PSMA6: variants seen among roughly 807,000 people sequenced by gnomAD.
PSMA6 encodes the protein proteasome subunit alpha type-6.
For missense variants in PSMA6, 170 were observed against 294.8 expected (o/e 0.58, Z 3.10); for synonymous variants, 88 against 97.7 (o/e 0.90, Z 0.59).
intron 3 of PSMA6, 117 bp from the exon 4 acceptor site, chr14:35,310,623 C>T (rs951931292): frequency 6.1e-6 from 6 of 976,528 alleles, no homozygotes; most frequent in Non-Finnish European, 7.7e-6. Context: ...GTAGCGGACC[C>T]TTTCTCTTTA....
chr14:35,294,668 G>GA (rs1369415216), intron 1 of PSMA6, among the ~76,000 whole-genome samples: 2 of 152,106 alleles, frequency 1.3e-5, no homozygotes, highest in South Asian at 2.1e-4. Context: ...AATGCTCAGT[G>GA]AATGTTATTA....
intron 1 of PSMA6, among the ~76,000 whole-genome samples, chr14:35,299,513 T>C (rs952757154): frequency 1.3e-4 from 19 of 150,978 alleles, no homozygotes; most frequent in African/African-American, 4.6e-4. Flanking sequence ...ATAGAGGCAG[T>C]GTTTCACTAT....
intron 2 of PSMA6, 114 bp from the exon 3 acceptor site, chr14:35,308,800 C>G (rs2051882257): frequency 1.4e-6 from 1 of 718,048 alleles, no homozygotes; most frequent in Non-Finnish European, 2.4e-6. Flanking sequence ...TTTATGGTTC[C>G]ATAGTATTGT....
intron 1 of PSMA6, among the ~76,000 whole-genome samples, chr14:35,298,990 T>G (rs1367443977): frequency 6.6e-6 from 1 of 151,930 alleles, no homozygotes; most frequent in Admixed American, 6.6e-5. Flanking sequence ...TGCCTCGGCC[T>G]CCCGAAGTAC....
Position 35,310,750 on chromosome 14 carries a change from A to T in PSMA6, c.264A>T (p.Arg88Ser). 2 of 1,612,176 alleles carry T rather than the reference A, an allele frequency of 1.2e-6. No homozygotes were observed. Among genetic ancestry groups the T allele is most frequent in the Non-Finnish European group, 1.7e-6 (2 of 1,179,830 alleles). Residue 88 changes from arginine to serine, a missense_variant, in exon 4 of 7, where the codon AGA (arginine) becomes AGT (serine). By Grantham distance (110) the Arg-to-Ser change is moderately radical. Coordinates refer to ENST00000261479, the MANE Select transcript of PSMA6 (RefSeq NM_002791.3). ...CVMTGMTADS[R>S]SQVQRARYEA... ...TTTTTATGCTATAAGCTGACAGCAG[A>T]TCCCAGGTACAGAGGGCACGCTATG...
chr14:35,313,119 T>C, intron 5 of PSMA6, 60 bp downstream of exon 5: 1 of 1,387,172 alleles, frequency 7.2e-7, no homozygotes, highest in Non-Finnish European at 9.7e-7. Flanking sequence ...AGGATCTTTG[T>C]ATAATTTCTA....
chr14:35,282,916 C>G (rs1037759520), intron 1 of PSMA6, among the ~76,000 whole-genome samples: 5 of 151,790 alleles, frequency 3.3e-5, no homozygotes, highest in Admixed American at 3.3e-4. Flanking sequence ...GATCTCAGCT[C>G]ACTGCAACCT....
At chr14:35,284,334 C>T (rs1429150289) in intron 1 of PSMA6, among the ~76,000 whole-genome samples, 1 of 152,142 alleles carries the variant, frequency 6.6e-6, no homozygotes, top group Non-Finnish European at 1.5e-5. Flanking sequence ...AGAGTTCTCC[C>T]TGTTCTAAGC....
At chr14:35,283,378 AG>A in intron 1 of PSMA6, among the ~76,000 whole-genome samples, 3 of 150,058 alleles carry the variant, frequency 2.0e-5, no homozygotes, top group African/African-American at 7.3e-5. Context: ...AAAAAAAAAA[AG>A]AGAGAGAAAG....
chr14:35,315,697 G>C (rs1347473147), intron 6 of PSMA6: 6 of 145,346 alleles, frequency 4.1e-5, no homozygotes, highest in African/African-American at 1.6e-4. Context: ...TTTTGAAAAA[G>C]GTGCCTTTTT....
rs1566551427 is a variant in PSMA6, at chr14:35,292,572, C to T, written c.76+20C>T. On this transcript the variant is annotated intron_variant, in intron 1 of 6. Coordinates refer to ENST00000261479, the MANE Select transcript of PSMA6 (RefSeq NM_002791.3). The stretch of plus-strand genomic sequence containing the variant: ...AAGTAGGTGAGTGAACCAGGTTCGC[C>T]TGTGGGCCACCTGAATTGCCCTGTC... The T allele has an allele frequency of 2.5e-6, 4 of 1,611,674 alleles. No individual in the cohort carries two copies. The highest frequency in any genetic ancestry group is 3.3e-5 in the Admixed American group (2 of 59,718).
rs187769687 is a variant in PSMA6, at chr14:35,279,280, C to T, written c.19+562C>T. The stretch of plus-strand genomic sequence containing the variant: ...CAGGCTAGTCTCGAACTCCAGACCT[C>T]AGGTGATCCGCCCACCTCGACCTCC... On this transcript the variant is annotated intron_variant, in intron 1 of 6. Coordinates refer to the PSMA6 transcript ENST00000540871. 1.1e-3 allele frequency among the ~76,000 whole-genome samples: 166 copies of T among 152,272 alleles called. 1 individual carries two copies. The highest frequency in any genetic ancestry group is 3.7e-3 in the African/African-American group (154 of 41,548).
upstream of PSMA6, chr14:35,292,284 A>AC (rs2051495926): frequency 2.9e-6 from 4 of 1,400,942 alleles, no homozygotes; most frequent in Non-Finnish European, 1.9e-6. Context: ...TCACTCCACC[A>AC]CCCCCTTAGG....
upstream of PSMA6, among the ~76,000 whole-genome samples, chr14:35,289,937 G>T (rs957330668): frequency 9.1e-6 from 1 of 109,598 alleles, no homozygotes; most frequent in African/African-American, 3.5e-5. Flanking sequence ...AAAAAAAAAA[G>T]GCAGAATAGC....
chr14:35,292,160 A>G (rs2277461), upstream of PSMA6, among the ~76,000 whole-genome samples: 23,144 of 152,194 alleles, frequency 0.15, 3,345 homozygotes, highest in African/African-American at 0.37. Context: ...CGTCCTTGCT[A>G]TAGTCAATTC....
intron 1 of PSMA6, among the ~76,000 whole-genome samples, chr14:35,279,190 G>A (rs1237730267): frequency 6.6e-6 from 1 of 152,108 alleles, no homozygotes; most frequent in East Asian, 1.9e-4. Context: ...TGGGATTACA[G>A]GCATGTGCCA....
At chr14:35,299,932 C>T (rs2051678766) in intron 1 of PSMA6, among the ~76,000 whole-genome samples, 1 of 152,148 alleles carries the variant, frequency 6.6e-6, no homozygotes. Flanking sequence ...GGAAAGGCTT[C>T]TCAGAGATGA....
At chr14:35,278,591 T>C, upstream of PSMA6, 3 of 1,147,596 alleles carry the variant, frequency 2.6e-6, no homozygotes, top group Non-Finnish European at 3.8e-6. Context: ...GCCAGTGGAA[T>C]TCCCTGACGA....
chr14:35,314,365 C>T lies in PSMA6; in HGVS notation c.593C>T (p.Ala198Val), dbSNP rs1489819622. ...DWTFEQTVET[A>V]ITCLSTVLSI... ...ACATTAAATACTTTTTTTCAGACTGCAATTACATGCCTGTCTACTGTTCTA... is the reference window on the plus strand; with the variant it reads ...ACATTAAATACTTTTTTTCAGACTGTAATTACATGCCTGTCTACTGTTCTA... Residue 198 changes from alanine to valine, a missense_variant, in exon 6 of 7, where the codon GCA becomes GTA. Transcript: ENST00000261479. 8.7e-6 allele frequency: 14 copies of T among 1,601,598 alleles called. No homozygotes were observed. Among genetic ancestry groups the T allele is most frequent in the Non-Finnish European group, 1.2e-5 (14 of 1,173,200 alleles).
Sources: gnomAD v4.1 joint callset for allele counts (sites outside exome capture counted in the v4.1 genomes callset) on GRCh38, gnomAD v4.1.1 for gene constraint, MANE v1.5 for transcripts, NCBI Gene and HGNC (gene_info 2026-07-23, HGNC 2026-07-21) for gene names.